WHRN: variants seen among roughly 807,000 people sequenced by gnomAD.
The protein encoded by WHRN is whirlin.
A neutral mutation model predicts 68.3 loss-of-function variants in WHRN; 41 were observed. That is an observed-to-expected ratio of 0.60 (90% CI 0.47 to 0.78). The LOEUF is 0.78. WHRN is among the 30% of genes least tolerant of loss of function. The probability of loss-of-function intolerance (pLI) is 0.00; values close to 1 mark genes in which losing one functional copy is unlikely to be tolerated. For missense variants in WHRN, 1,243 were observed against 1,244.7 expected, an observed-to-expected ratio of 1.00 and a Z score of 0.02; for synonymous variants, 560 against 561.3, an observed-to-expected ratio of 1.00 and a Z score of 0.03.
At chr9:114,474,975 C>A (rs1350258682) in intron 2 of WHRN, among the ~76,000 whole-genome samples, 1 of 152,104 alleles carries the variant, frequency 6.6e-6, no homozygotes, top group East Asian at 1.9e-4. Flanking sequence ...CCCACGAGGA[C>A]AGCTACTCTC....
At chr9:114,412,314 T>A (rs1049557593) in intron 7 of WHRN, among the ~76,000 whole-genome samples, 2 of 152,098 alleles carry the variant, frequency 1.3e-5, no homozygotes, top group African/African-American at 4.8e-5. Context: ...AGGTCAGAGC[T>A]CATGCAGGAG....
intron 1 of WHRN, chr9:114,503,360 G>A (rs1239358992): frequency 4.8e-6 from 1 of 208,740 alleles, no homozygotes; most frequent in African/African-American, 2.4e-5. Flanking sequence ...GGGGAAAAAT[G>A]CCTGCAAAGG....
At chr9:114,484,749 T>C (rs930578006) in intron 1 of WHRN, among the ~76,000 whole-genome samples, 4 of 152,236 alleles carry the variant, frequency 2.6e-5, no homozygotes, top group Admixed American at 6.5e-5. Flanking sequence ...GTTATGATTA[T>C]GGAAATGTAA....
intron 3 of WHRN, among the ~76,000 whole-genome samples, chr9:114,461,304 T>C (rs1840226256): frequency 6.6e-6 from 1 of 152,248 alleles, no homozygotes; most frequent in African/African-American, 2.4e-5. Flanking sequence ...CCACCTGAGA[T>C]AACCAGTGTT....
At chr9:114,423,205 G>T in intron 7 of WHRN, 109 bp downstream of exon 7, 1 of 1,161,142 alleles carries the variant, frequency 8.6e-7, no homozygotes, top group Non-Finnish European at 1.3e-6. Flanking sequence ...AAGGCACACA[G>T]CTGGTAAGTG....
At chr9:114,419,305 T>C (rs1275447921) in intron 7 of WHRN, among the ~76,000 whole-genome samples, 1 of 152,180 alleles carries the variant, frequency 6.6e-6, no homozygotes, top group Admixed American at 6.5e-5. Context: ...AAGATACGAA[T>C]GGAAAGCACT....
At chr9:114,472,470 CTTTT>C (rs1242732228) in intron 2 of WHRN, among the ~76,000 whole-genome samples, 3 of 152,324 alleles carry the variant, frequency 2.0e-5, no homozygotes, top group East Asian at 3.9e-4. Flanking sequence ...CAGATCCTTT[CTTTT>C]GTCACCTTCT....
At chr9:114,501,557 C>CACACAT (rs1384543837) in intron 1 of WHRN, among the ~76,000 whole-genome samples, 4 of 149,388 alleles carry the variant, frequency 2.7e-5, no homozygotes, top group Non-Finnish European at 6.0e-5. Context: ...TTATTACACA[C>CACACAT]ACACACACAC....
At chr9:114,423,062 A>G (rs1836454864) in intron 7 of WHRN, among the ~76,000 whole-genome samples, 1 of 151,568 alleles carries the variant, frequency 6.6e-6, no homozygotes, top group Non-Finnish European at 1.5e-5. Flanking sequence ...AGCTTCCCAG[A>G]CTGCAAGCCC....
intron 2 of WHRN, among the ~76,000 whole-genome samples, chr9:114,472,276 C>A (rs1446898957): frequency 2.0e-5 from 3 of 152,216 alleles, no homozygotes; most frequent in Non-Finnish European, 4.4e-5. Flanking sequence ...GCAGCCATCT[C>A]ACTCAGAGGA....
At chr9:114,406,178 C>G (rs1835008701) in intron 9 of WHRN, among the ~76,000 whole-genome samples, 177 bp downstream of exon 9, 1 of 152,112 alleles carries the variant, frequency 6.6e-6, no homozygotes, top group Non-Finnish European at 1.5e-5. Flanking sequence ...CACAGTCACA[C>G]AGCCAGTCAG....
At chr9:114,489,427 AT>A (rs1281751098) in intron 1 of WHRN, among the ~76,000 whole-genome samples, 1 of 152,044 alleles carries the variant, frequency 6.6e-6, no homozygotes, top group Non-Finnish European at 1.5e-5. Flanking sequence ...CAATTTCAAT[AT>A]AAATACTGTT....
At chr9:114,432,098 C>A (rs376545896) in intron 3 of WHRN, among the ~76,000 whole-genome samples, 1 of 152,202 alleles carries the variant, frequency 6.6e-6, no homozygotes, top group African/African-American at 2.4e-5. Context: ...TCCTATTTGT[C>A]ACCACTGATG....
intron 7 of WHRN, among the ~76,000 whole-genome samples, chr9:114,421,416 C>T (rs1836273293): frequency 6.6e-6 from 1 of 152,196 alleles, no homozygotes. Flanking sequence ...GCCCTCAGGG[C>T]TTCGGGCTGC....
intron 1 of WHRN, among the ~76,000 whole-genome samples, chr9:114,485,843 A>T (rs35036117): frequency 0.043 from 6,466 of 151,322 alleles, 212 homozygotes; most frequent in African/African-American, 0.091. Context: ...CACAAAAAAA[A>T]TTTTTTTTTT....
intron 7 of WHRN, among the ~76,000 whole-genome samples, chr9:114,419,880 C>G (rs1202848549): frequency 5.9e-5 from 9 of 152,134 alleles, no homozygotes; most frequent in East Asian, 5.8e-4. Context: ...GCTCAGGAAA[C>G]CTGATGACCT....
chr9:114,476,913 G>A (rs2133107965), intron 2 of WHRN, among the ~76,000 whole-genome samples: 1 of 152,314 alleles, frequency 6.6e-6, no homozygotes, highest in South Asian at 2.1e-4. Context: ...CCCATGCCCT[G>A]CATAGAAAAG....
chr9:114,475,616 A>G, intron 2 of WHRN, among the ~76,000 whole-genome samples: 1 of 152,134 alleles, frequency 6.6e-6, no homozygotes, highest in African/African-American at 2.4e-5. Flanking sequence ...CCTGAGAGGT[A>G]TACTTCCTCT....
At chr9:114,420,498 G>C (rs1288590303) in intron 7 of WHRN, among the ~76,000 whole-genome samples, 1 of 152,200 alleles carries the variant, frequency 6.6e-6, no homozygotes, top group African/African-American at 2.4e-5. Flanking sequence ...AGAGCTTCAA[G>C]GAGGGCCCTG....
Sources: gnomAD v4.1 joint callset for allele counts (sites outside exome capture counted in the v4.1 genomes callset) on GRCh38, gnomAD v4.1.1 for gene constraint, MANE v1.5 for transcripts, NCBI Gene and HGNC (gene_info 2026-07-23, HGNC 2026-07-21) for gene names.